DPM1: variants seen among roughly 807,000 people sequenced by gnomAD.
The protein encoded by DPM1 is dolichol-phosphate mannosyltransferase subunit 1.
A neutral mutation model predicts 39.0 loss-of-function variants in DPM1; 27 were observed. The observed-to-expected ratio is 0.69, with a 90% confidence interval of 0.51 to 0.95. The LOEUF is 0.95. Ranked by LOEUF, DPM1 falls within the 40% of genes least tolerant of loss-of-function variation. The probability of loss-of-function intolerance (pLI) is 0.00; values close to 1 mark genes in which losing one functional copy is unlikely to be tolerated. For synonymous variants in DPM1, 124 were observed against 109.0 expected (o/e 1.14, Z -0.86); for missense variants, 307 against 315.6 (o/e 0.97, Z 0.21).
Position 50,935,119 on chromosome 20 carries a change from G to T in DPM1, c.*13C>A. The T allele has an allele frequency of 7.2e-7, 1 of 1,388,866 alleles. No homozygotes were observed. Among genetic ancestry groups the T allele is most frequent in the Non-Finnish European group, 1.0e-6 (1 of 976,692 alleles). 86.0% of individuals were successfully genotyped at this position (1,388,866 alleles called of 1,614,324 possible). ...ACCTGAAATGAACGTAACTATAAATGAGTATCTTTCTTTTATGTAGTAGCA... is the reference window on the plus strand; with the variant it reads ...ACCTGAAATGAACGTAACTATAAATTAGTATCTTTCTTTTATGTAGTAGCA... On this transcript the variant is annotated 3_prime_UTR_variant, in exon 9 of 9. Transcript: ENST00000371588.
chr20:50,949,327 C>T (rs1986461193), intron 2 of DPM1, among the ~76,000 whole-genome samples: 1 of 151,918 alleles, frequency 6.6e-6, no homozygotes, highest in South Asian at 2.1e-4. Flanking sequence ...TATTTTGCAC[C>T]TTCTTGGGAA....
At chr20:50,957,183 C>G (rs1986871276) in intron 1 of DPM1, among the ~76,000 whole-genome samples, 2 of 152,144 alleles carry the variant, frequency 1.3e-5, no homozygotes, top group Admixed American at 1.3e-4. Context: ...GGCAGTTATT[C>G]AAGGAAATAC....
At chr20:50,948,731 T>C in intron 2 of DPM1, 69 bp from the exon 3 acceptor site, 1 of 1,370,142 alleles carries the variant, frequency 7.3e-7, no homozygotes, top group Non-Finnish European at 1.0e-6. Flanking sequence ...TTTATCTTAT[T>C]CAAAAGTGCA....
intron 7 of DPM1, among the ~76,000 whole-genome samples, chr20:50,937,945 C>T (rs1305958240): frequency 1.3e-5 from 2 of 152,110 alleles, no homozygotes; most frequent in Admixed American, 1.3e-4. Flanking sequence ...CCCAAAAGTG[C>T]TGGGATTATA....
intron 3 of DPM1, among the ~76,000 whole-genome samples, chr20:50,946,313 C>G (rs1473952311): frequency 6.6e-6 from 1 of 152,216 alleles, no homozygotes; most frequent in Non-Finnish European, 1.5e-5. Flanking sequence ...AAATCAGCTT[C>G]CTACTTAATA....
chr20:50,944,035 C>T (rs974553802), intron 5 of DPM1, among the ~76,000 whole-genome samples: 51 of 152,054 alleles, frequency 3.4e-4, no homozygotes, highest in Admixed American at 6.6e-4. Context: ...CCACTGCGCC[C>T]GGCCAAGCCT....
intron 2 of DPM1, among the ~76,000 whole-genome samples, chr20:50,949,125 C>CT (rs1173559485): frequency 1.3e-5 from 2 of 152,340 alleles, no homozygotes; most frequent in East Asian, 3.9e-4. Flanking sequence ...TCCCAAAGCA[C>CT]TGGGATTACA....
intron 3 of DPM1, among the ~76,000 whole-genome samples, chr20:50,946,138 A>G (rs1986269472): frequency 6.6e-6 from 1 of 152,240 alleles, no homozygotes; most frequent in South Asian, 2.1e-4. Context: ...TTCAGATGTC[A>G]ATTTAATACA....
chr20:50,949,877 T>C (rs1022900557), intron 2 of DPM1, among the ~76,000 whole-genome samples: 17 of 152,166 alleles, frequency 1.1e-4, no homozygotes, highest in Non-Finnish European at 2.1e-4. Flanking sequence ...AAGTCTTTTG[T>C]GGGAAGCATA....
At chr20:50,956,056 C>T (rs1201051833) in intron 1 of DPM1, among the ~76,000 whole-genome samples, 3 of 151,818 alleles carry the variant, frequency 2.0e-5, no homozygotes, top group East Asian at 1.9e-4. Context: ...TTAAAAAAAC[C>T]GATTTTAGAA....
At chr20:50,937,154 C>T (rs1985249932) in intron 7 of DPM1, among the ~76,000 whole-genome samples, 1 of 150,570 alleles carries the variant, frequency 6.6e-6, no homozygotes, top group South Asian at 2.1e-4. Context: ...TTTGGTGTAA[C>T]TTTGTTCTCT....
intron 6 of DPM1, chr20:50,941,227 A>AATATATATAT (rs58694792): frequency 0.014 from 844 of 61,080 alleles, 12 homozygotes; most frequent in African/African-American, 0.021. Flanking sequence ...AAAAAAAGTG[A>AATATATATAT]ATATATATAT....
chr20:50,936,374 A>G, intron 7 of DPM1, 112 bp from the exon 8 acceptor site: 2 of 683,520 alleles, frequency 2.9e-6, no homozygotes, highest in South Asian at 3.4e-5. Flanking sequence ...TTCACTGGCC[A>G]TTGGTAAACA....
chr20:50,945,891 T>C lies in DPM1; in HGVS notation c.328A>G (p.Thr110Ala). ...TCCATAATAATGATGTAGTTTCCTG[T>C]GGCATGTTTCATTCCATGAATATAT... Reference protein sequence around the residue: ...TAYIHGMKHATGNYIIIMDAD... With the variant: ...TAYIHGMKHAAGNYIIIMDAD... The change falls in exon 4 of 9, where the codon ACA (threonine) becomes GCA (alanine). Residue 110 changes from threonine to alanine, a missense_variant. Physicochemically the swap from Thr to Ala is moderately conservative, Grantham distance 58 (BLOSUM62 0). Coordinates refer to ENST00000371588, the MANE Select transcript of DPM1 (RefSeq NM_003859.3). 6.2e-7 allele frequency: 1 copy of C among 1,613,726 alleles called. No individual in the cohort carries two copies. Among genetic ancestry groups the C allele is most frequent in the East Asian group, 2.2e-5 (1 of 44,772 alleles).
chr20:50,941,560 T>G (rs547818121), intron 6 of DPM1, among the ~76,000 whole-genome samples: 1 of 151,498 alleles, frequency 6.6e-6, no homozygotes, highest in South Asian at 2.1e-4. Flanking sequence ...AAACAAAAAT[T>G]AGCCAGGCAT....
intron 5 of DPM1, 120 bp downstream of exon 5, chr20:50,945,617 A>T: frequency 9.7e-7 from 1 of 1,035,638 alleles, no homozygotes; most frequent in Non-Finnish European, 1.4e-6. Flanking sequence ...CTTTGTTTAT[A>T]TTTTTGATAG....
chr20:50,946,698 G>C (rs530231453), intron 3 of DPM1, among the ~76,000 whole-genome samples: 1 of 152,196 alleles, frequency 6.6e-6, no homozygotes, highest in Non-Finnish European at 1.5e-5. Flanking sequence ...GCAGGACTTG[G>C]GGATTCCTGC....
Position 50,955,239 on chromosome 20 carries a change from C to G in DPM1, c.208G>C (p.Gly70Arg). The G allele has an allele frequency of 6.2e-7, 1 of 1,613,268 alleles. No individual in the cohort carries two copies. The highest frequency in any genetic ancestry group is 1.7e-5 in the Admixed American group (1 of 60,016). Reference sequence around the variant, plus strand: ...AACTGTTCAGCAACATCCCTTGTTCCATCTGGGCTTCCATCATCTATGATT... The same window carrying G: ...AACTGTTCAGCAACATCCCTTGTTCGATCTGGGCTTCCATCATCTATGATT... ...IIIIDDGSPD[G>R]TRDVAEQLEK... Residue 70 changes from glycine (G) to arginine (R), a missense_variant, in exon 2 of 9, where the codon GGA (glycine) becomes CGA (arginine). Physicochemically the swap from Gly to Arg is moderately radical, Grantham distance 125. Transcript: ENST00000371588.
chr20:50,956,321 A>G (rs1164827080), intron 1 of DPM1, among the ~76,000 whole-genome samples: 1 of 152,100 alleles, frequency 6.6e-6, no homozygotes, highest in Non-Finnish European at 1.5e-5. Context: ...CAAATACAAG[A>G]GGCTGGGCGC....
Sources: gnomAD v4.1 joint callset for allele counts (sites outside exome capture counted in the v4.1 genomes callset) on GRCh38, gnomAD v4.1.1 for gene constraint, MANE v1.5 for transcripts, NCBI Gene and HGNC (gene_info 2026-07-23, HGNC 2026-07-21) for gene names.